Variants in LDB1 observed in about 807,000 individuals in gnomAD.
The protein encoded by LDB1 is LIM domain-binding protein 1.
LDB1 carries 6 observed loss-of-function variants against 49.7 expected under a neutral mutation model. The ratio of observed to expected loss-of-function variants is 0.12; its 90% CI spans 0.07 to 0.24. The LOEUF is 0.24. Ranked by LOEUF, LDB1 falls within the 10% of genes least tolerant of loss-of-function variation. LDB1 has a pLI of 1.00. For synonymous variants in LDB1, 233 were observed against 202.0 expected, an observed-to-expected ratio of 1.15 and a Z score of -1.30; for missense variants, 341 against 561.7, an observed-to-expected ratio of 0.61 and a Z score of 3.97.
intron 1 of LDB1, among the ~76,000 whole-genome samples, chr10:102,113,020 T>C (rs1330846218): frequency 6.6e-6 from 1 of 152,202 alleles, no homozygotes; most frequent in Non-Finnish European, 1.5e-5. Context: ...TCACATTTGC[T>C]TCCTTGGGTC....
intron 10 of LDB1, 129 bp downstream of exon 10, chr10:102,108,899 GC>G: frequency 8.2e-7 from 1 of 1,212,330 alleles, no homozygotes; most frequent in Admixed American, 1.7e-5. Flanking sequence ...AAAGCAGTTA[GC>G]CCATGCTGGC....
chr10:102,103,418 G>T (rs1021059160), downstream of LDB1, among the ~76,000 whole-genome samples: 2 of 152,010 alleles, frequency 1.3e-5, no homozygotes, highest in African/African-American at 4.8e-5. Context: ...ACAACTCACT[G>T]TTGTCTCAAC....
chr10:102,108,354 C>T (rs371585479), intron 10 of LDB1, 31 bp from the exon 11 acceptor site: 47 of 1,583,284 alleles, frequency 3.0e-5, no homozygotes, highest in East Asian at 9.0e-5. Context: ...CAAACATAAT[C>T]GGGGCAAGGG....
At position 102,109,300 on chromosome 10, in the gene LDB1, G is replaced by C; in HGVS notation, c.856+84C>G. On this transcript the variant is annotated intron_variant, in intron 9 of 10. Coordinates refer to ENST00000673968, the MANE Select transcript of LDB1 (RefSeq NM_001113407.3). The surrounding 1 kb of genome is among the most constrained non-coding windows in gnomAD (Gnocchi z 5.8). ...TTGTAGACCCGGGAACAAGGAAGGG[G>C]TGGGGAAAACTTCAAAAGGAAATAA... 6.2e-7 allele frequency: 1 copy of C among 1,604,642 alleles called. No homozygotes were observed. Among genetic ancestry groups the C allele is most frequent in the Non-Finnish European group, 8.5e-7 (1 of 1,174,678 alleles).
intron 3 of LDB1, 45 bp from the exon 4 acceptor site, chr10:102,111,189 C>G: frequency 6.2e-7 from 1 of 1,610,920 alleles, no homozygotes; most frequent in Non-Finnish European, 8.5e-7. Context: ...GGAGCCTGCC[C>G]CCTCCACCCC....
downstream of LDB1, among the ~76,000 whole-genome samples, chr10:102,105,910 G>C (rs1043701325): frequency 6.6e-6 from 1 of 152,032 alleles, no homozygotes; most frequent in African/African-American, 2.4e-5. Context: ...CCAGGAAGTG[G>C]AGGTTGCAGT....
At chr10:102,115,330 TCAAAGCACCTCC>T (rs1465650794) in intron 1 of LDB1, among the ~76,000 whole-genome samples, 2 of 152,072 alleles carry the variant, frequency 1.3e-5, no homozygotes, top group Non-Finnish European at 2.9e-5. Flanking sequence ...TCCAAGATCT[TCAAAGCACCTCC>T]CAAACCTCCC....
At chr10:102,121,028 A>G (rs1232839292), upstream of LDB1, among the ~76,000 whole-genome samples, 1 of 152,108 alleles carries the variant, frequency 6.6e-6, no homozygotes, top group Non-Finnish European at 1.5e-5. Context: ...CCCCTTCCCT[A>G]AATTAACCAC....
At chr10:102,113,571 A>G (rs1226359682) in intron 1 of LDB1, among the ~76,000 whole-genome samples, 1 of 152,170 alleles carries the variant, frequency 6.6e-6, no homozygotes, top group East Asian at 1.9e-4. Context: ...ACAGCCCACC[A>G]GAGGCCAGGC....
At chr10:102,119,035 A>G (rs752623928) in intron 1 of LDB1, among the ~76,000 whole-genome samples, 3 of 152,154 alleles carry the variant, frequency 2.0e-5, no homozygotes, top group Non-Finnish European at 4.4e-5. Context: ...ATTTTCAAGG[A>G]AGCTTCCGCA....
At chr10:102,108,903 A>G in intron 10 of LDB1, 126 bp downstream of exon 10, 1 of 1,278,822 alleles carries the variant, frequency 7.8e-7, no homozygotes, top group South Asian at 1.2e-5. Flanking sequence ...CAGTTAGCCC[A>G]TGCTGGCAGA....
upstream of LDB1, among the ~76,000 whole-genome samples, chr10:102,120,671 T>TA (rs971824505): frequency 5.9e-5 from 9 of 151,948 alleles, no homozygotes; most frequent in Non-Finnish European, 1.2e-4. Flanking sequence ...ACGCAGCTTT[T>TA]AAAAAAGGAG....
chr10:102,110,036 A>G lies in LDB1; in HGVS notation c.533T>C (p.Val178Ala). ...HGKPMFTQVC[V>A]EGRLYLEFMF... ...GAACTCCAGGTACAACCGGCCCTCC[A>G]CACACACCTGGGGACAGGCTTGTCA... Residue 178 changes from valine (V) to alanine (A), a missense_variant, in exon 7 of 11, where the codon GTG (valine) becomes GCG (alanine). Coordinates refer to ENST00000673968, the MANE Select transcript of LDB1 (RefSeq NM_001113407.3). The G allele has an allele frequency of 6.2e-7, 1 of 1,612,724 alleles. No homozygotes were observed. The highest frequency in any genetic ancestry group is 1.1e-5 in the South Asian group (1 of 91,008).
At chr10:102,102,803 G>A (rs1231239385), downstream of LDB1, among the ~76,000 whole-genome samples, 1 of 152,136 alleles carries the variant, frequency 6.6e-6, no homozygotes, top group Non-Finnish European at 1.5e-5. Context: ...AGGGAGCTGG[G>A]ACCAAGGTCT....
chr10:102,106,490 C>A lies in LDB1; in HGVS notation c.*1603G>T, dbSNP rs1381640062. On this transcript the variant is annotated 3_prime_UTR_variant, in exon 11 of 11. Coordinates refer to ENST00000673968, the MANE Select transcript of LDB1 (RefSeq NM_001113407.3). ...CATCAATGACCAACCAGGACACTCT[C>A]AAACCGAAAAGTCTCTTTATTGATT... Among the ~76,000 whole-genome samples the A allele has an allele frequency of 3.1e-5, 4 of 128,530 alleles. No individual in the cohort carries two copies. Among genetic ancestry groups the A allele is most frequent in the Non-Finnish European group, 6.3e-5 (4 of 63,426 alleles). 84.3% of individuals were successfully genotyped at this position (128,530 alleles called of 152,430 possible). A position where few individuals can be genotyped will look rare whatever the true frequency, so the allele number is the denominator to read the frequency against.
At chr10:102,121,183 AGG>A (rs2068415450), upstream of LDB1, among the ~76,000 whole-genome samples, 1 of 151,910 alleles carries the variant, frequency 6.6e-6, no homozygotes, top group Non-Finnish European at 1.5e-5. Flanking sequence ...TGGATTACGG[AGG>A]GGCGATAGGA....
intron 1 of LDB1, among the ~76,000 whole-genome samples, chr10:102,119,370 G>A (rs1472327953): frequency 6.6e-6 from 1 of 151,774 alleles, no homozygotes; most frequent in East Asian, 1.9e-4. Flanking sequence ...TATGTTTTGG[G>A]GAGGCAGGGA....
At position 102,106,541 on chromosome 10, in the gene LDB1, CAAAAAAAAAAAAAAAAAAAAAAAA is replaced by C. The variant is rs558516308; in HGVS notation, c.*1528_*1551del. ...GGTACCATACATGACTCAAATGGCC[CAAAAAAAAAAAAAAAAAAAAAAAA>C]AAAAAAAAAAAAAAAAAAAGGCATT... On this transcript the variant is annotated 3_prime_UTR_variant, in exon 11 of 11. Transcript: ENST00000673968. 3.9e-3 allele frequency among the ~76,000 whole-genome samples: 70 copies of C among 17,784 alleles called. No individual in the cohort carries two copies. Among genetic ancestry groups the C allele is most frequent in the East Asian group, 0.011 (7 of 644 alleles). The allele number at this position is 17,784 out of a possible 152,430, so 11.7% of individuals were successfully genotyped here.
intron 1 of LDB1, chr10:102,114,714 G>C (rs2068309091): frequency 1.2e-6 from 1 of 806,842 alleles, no homozygotes; most frequent in Non-Finnish European, 1.5e-6. Context: ...TTGTTTGCAA[G>C]GTTTCCCTCA....
Sources: gnomAD v4.1 joint callset for allele counts (sites outside exome capture counted in the v4.1 genomes callset) on GRCh38, gnomAD v4.1.1 for gene constraint, Gnocchi (gnomAD v3.1) non-coding constraint, MANE v1.5 for transcripts, NCBI Gene and HGNC (gene_info 2026-07-23, HGNC 2026-07-21) for gene names.